YJU2: variants seen among roughly 807,000 people sequenced by gnomAD.
YJU2 encodes the protein YJU2 splicing factor homolog, also known as splicing factor YJU2.
Under a neutral mutation model 39.6 loss-of-function variants are expected in YJU2, and 28 were observed. The observed-to-expected ratio is 0.71, with a 90% confidence interval of 0.52 to 0.97. YJU2 has a LOEUF of 0.97. Among genes scored for constraint, YJU2 ranks in the 50% least tolerant of loss-of-function variants. The probability of loss-of-function intolerance (pLI) is 0.00; values close to 1 mark genes in which losing one functional copy is unlikely to be tolerated. For synonymous variants in YJU2, 184 were observed against 182.4 expected, an observed-to-expected ratio of 1.01 and a Z score of -0.07; for missense variants, 328 against 430.4, an observed-to-expected ratio of 0.76 and a Z score of 2.11.
intron 1 of YJU2, 117 bp downstream of exon 1, chr19:4,247,287 C>A: frequency 1.1e-6 from 1 of 890,982 alleles, no homozygotes; most frequent in Non-Finnish European, 1.8e-6. Flanking sequence ...CGGCCTTCCG[C>A]GAGATGGGGC....
Position 4,252,405 on chromosome 19 carries a change from T to C in YJU2, c.270+1234T>C, listed in dbSNP as rs941346537. Among the ~76,000 whole-genome samples, 9 of 151,042 alleles carry C rather than the reference T, an allele frequency of 6.0e-5. No homozygotes were observed. In the East Asian group the frequency reaches 1.8e-3, roughly 30 times the overall value. ...TGAGGTCAGGAGATCGAGACCATCC[T>C]GGCTAACACAGTGAAACCCCGTCTC... On this transcript the variant is annotated intron_variant, in intron 3 of 7. Coordinates refer to ENST00000262962, the MANE Select transcript of YJU2 (RefSeq NM_018074.6).
chr19:4,266,745 G>A (rs192218307), intron 6 of YJU2, among the ~76,000 whole-genome samples: 14 of 152,292 alleles, frequency 9.2e-5, no homozygotes, highest in Non-Finnish European at 1.8e-4. Flanking sequence ...TCTTTGGGAC[G>A]CTGAGACGGG....
intron 4 of YJU2, 81 bp from the exon 5 acceptor site, chr19:4,258,161 G>C: frequency 6.6e-7 from 1 of 1,506,682 alleles, no homozygotes; most frequent in East Asian, 2.5e-5. Context: ...CCCGTGGCCC[G>C]CAGTGGCCCC....
chr19:4,259,025 C>G (rs1046702135), intron 5 of YJU2, among the ~76,000 whole-genome samples: 1 of 151,928 alleles, frequency 6.6e-6, no homozygotes, highest in Non-Finnish European at 1.5e-5. Flanking sequence ...CCCTCACCAG[C>G]CGCCTTCTGA....
At chr19:4,255,765 G>A (rs1971014745) in intron 4 of YJU2, among the ~76,000 whole-genome samples, 1 of 150,974 alleles carries the variant, frequency 6.6e-6, no homozygotes, top group Non-Finnish European at 1.5e-5. Context: ...CAAGTGCTTT[G>A]GGAGGCTGAG....
At chr19:4,247,361 G>A (rs1397125754) in intron 1 of YJU2, 191 bp downstream of exon 1, 1 of 570,892 alleles carries the variant, frequency 1.8e-6, no homozygotes, top group Non-Finnish European at 3.1e-6. Flanking sequence ...CCTTCGCTAA[G>A]TCTCCCTTCT....
At chr19:4,247,343 G>A (rs192748154) in intron 1 of YJU2, 173 bp downstream of exon 1, 4 of 585,326 alleles carry the variant, frequency 6.8e-6, no homozygotes, top group Non-Finnish European at 1.2e-5. Context: ...TTCCGTCGGG[G>A]GGGTGGGCCT....
chr19:4,265,882 T>C (rs1971111401), intron 6 of YJU2, among the ~76,000 whole-genome samples: 1 of 151,736 alleles, frequency 6.6e-6, no homozygotes, highest in Admixed American at 6.6e-5. Context: ...TACAGGTGTG[T>C]GCCTCTGTGC....
rs778932222 is a variant in YJU2 at position 4,268,597 on chromosome 19, C to A, written c.873C>A (p.Asn291Lys). ...QAAPTPGAPQ[N>K]RKEANPTPLT... ...CTCTCCCACCAGGAGCCCCGCAGAA[C>A]AGGAAGGAGGCCAACCCTACACCCC... Residue 291 changes from asparagine (N) to lysine (K), a missense_variant, in exon 8 of 8, where the codon AAC becomes AAA. Around this residue, in one of 2 missense-constraint regions of YJU2, gnomAD observed 244 missense variants for 264.6 expected, o/e 0.92. Transcript: ENST00000262962. 6.2e-7 allele frequency: 1 copy of A among 1,612,434 alleles called. No individual in the cohort carries two copies. Among genetic ancestry groups the A allele is most frequent in the South Asian group, 1.1e-5 (1 of 90,834 alleles).
intron 1 of YJU2, chr19:4,248,377 G>C (rs963179181): frequency 3.3e-5 from 5 of 152,228 alleles, no homozygotes; most frequent in African/African-American, 1.2e-4. Flanking sequence ...CAAGGAATGC[G>C]TGCAAAGACT....
In YJU2 at chr19:4,267,666, G is replaced by A. The variant is rs776471106; in HGVS notation, c.751G>A (p.Val251Ile). The change falls in exon 7 of 8, where the codon GTT (valine) becomes ATT (isoleucine). Residue 251 changes from valine (V) to isoleucine (I), a missense_variant. Physicochemically the swap from Val to Ile is conservative, Grantham distance 29. Coordinates refer to ENST00000262962, the MANE Select transcript of YJU2 (RefSeq NM_018074.6). ...GAAGGTGGAGGTCTGGGAGCAGAGC[G>A]TTGGCAGCCTGGGCAGCCGGCCCCC... ...KRKVEVWEQS[V>I]GSLGSRPPLS... is the part of the protein sequence containing the mutation. 2.2e-5 allele frequency: 36 copies of A among 1,613,468 alleles called. No individual in the cohort carries two copies. Among genetic ancestry groups the A allele is most frequent in the African/African-American group, 1.3e-4 (10 of 74,936 alleles).
At chr19:4,249,708 CT>C (rs111734725) in intron 2 of YJU2, among the ~76,000 whole-genome samples, 289 of 143,028 alleles carry the variant, frequency 2.0e-3, no homozygotes, top group Admixed American at 2.0e-3. Context: ...TTCTTTCTTT[CT>C]TTTTTTTTTT....
intron 3 of YJU2, among the ~76,000 whole-genome samples, chr19:4,252,831 CAGG>C (rs1750134207): frequency 6.6e-6 from 1 of 151,856 alleles, no homozygotes; most frequent in Admixed American, 6.6e-5. Flanking sequence ...GAGGCTGAGG[CAGG>C]AGAATCAATT....
At chr19:4,252,434 T>A (rs1297021577) in intron 3 of YJU2, among the ~76,000 whole-genome samples, 2 of 149,012 alleles carry the variant, frequency 1.3e-5, no homozygotes, top group Non-Finnish European at 3.0e-5. Flanking sequence ...CCGTCTCTAC[T>A]AAAAAAAAAG....
chr19:4,247,235 G>A, intron 1 of YJU2, 65 bp downstream of exon 1: 10 of 1,433,626 alleles, frequency 7.0e-6, no homozygotes, highest in Non-Finnish European at 5.8e-6. Flanking sequence ...GGGAGAGGGA[G>A]GAGCTTCCTG....
chr19:4,262,116 T>C lies in YJU2; in HGVS notation c.708+2T>C, dbSNP rs368134877. ...AACCCCACCGCCATCCTGGATGAGGTAAGTGGGGTGCCTGAGTCCTGGGGG... is the reference window on the plus strand; with the variant it reads ...AACCCCACCGCCATCCTGGATGAGGCAAGTGGGGTGCCTGAGTCCTGGGGG... On this transcript the variant is annotated splice_donor_variant, in intron 6 of 7. Coordinates refer to ENST00000262962, the MANE Select transcript of YJU2 (RefSeq NM_018074.6). LOFTEE classifies it high-confidence loss of function. 6 of 1,605,812 alleles carry C rather than the reference T, an allele frequency of 3.7e-6. No individual in the cohort carries two copies. In the African/African-American group the frequency reaches 8.0e-5, roughly 21 times the overall value.
intron 5 of YJU2, among the ~76,000 whole-genome samples, chr19:4,259,378 C>T (rs958316909): frequency 4.6e-5 from 7 of 151,386 alleles, no homozygotes; most frequent in East Asian, 2.0e-4. Flanking sequence ...CGCGCCCGGA[C>T]GACGCTTTTC....
At chr19:4,258,148 C>A in intron 4 of YJU2, 94 bp from the exon 5 acceptor site, 1 of 1,488,576 alleles carries the variant, frequency 6.7e-7, no homozygotes, top group South Asian at 1.3e-5. Context: ...GGTAGGGGTT[C>A]CTCCCGTGGC....
At chr19:4,267,933 T>A (rs531312710) in intron 7 of YJU2, among the ~76,000 whole-genome samples, 159 bp downstream of exon 7, 1 of 151,900 alleles carries the variant, frequency 6.6e-6, no homozygotes, top group African/African-American at 2.4e-5. Flanking sequence ...GGCAGGCGGC[T>A]TCTTTTTTTC....
Sources: gnomAD v4.1 joint callset for allele counts (sites outside exome capture counted in the v4.1 genomes callset) on GRCh38, gnomAD v4.1.1 for gene constraint, gnomAD v4.1.1 regional missense constraint, MANE v1.5 for transcripts, NCBI Gene and HGNC (gene_info 2026-07-23, HGNC 2026-07-21) for gene names.